DCC: variants seen among roughly 807,000 people sequenced by gnomAD.
The protein encoded by DCC is DCC netrin 1 receptor.
Under a neutral mutation model 172.5 loss-of-function variants are expected in DCC, and 58 were observed. The ratio of observed to expected loss-of-function variants is 0.34; its 90% CI spans 0.27 to 0.42. The LOEUF (loss-of-function observed/expected upper bound fraction) is 0.42, where lower values mean the gene tolerates loss of function less well. DCC is among the 10% of genes least tolerant of loss of function. The pLI is 1.00. For missense variants in DCC, 1,740 were observed against 1,791.0 expected (o/e 0.97, Z 0.51); for synonymous variants, 709 against 644.5 (o/e 1.10, Z -1.52).
intron 15 of DCC, among the ~76,000 whole-genome samples, chr18:53,368,546 T>C (rs2058029269): frequency 1.3e-5 from 2 of 152,106 alleles, no homozygotes; most frequent in African/African-American, 2.4e-5. Context: ...TTTTGCCTGA[T>C]GTTTTCTTCT....
rs1218973761 is a variant in DCC at position 52,387,677 on chromosome 18, T to C, written c.91+46799T>C. Reference sequence around the variant, plus strand: ...TGAAGTATGATCTATGAACAAAAACTGTCTATATTTAAGAAGAAGAATGTG... The same window carrying C: ...TGAAGTATGATCTATGAACAAAAACCGTCTATATTTAAGAAGAAGAATGTG... On this transcript the variant is annotated intron_variant, in intron 1 of 28. Transcript: ENST00000442544. Among the ~76,000 whole-genome samples, 3 of 149,880 alleles carry C rather than the reference T, an allele frequency of 2.0e-5. No homozygotes were observed. The East Asian group carries it at 5.9e-4, about 30-fold the overall frequency.
chr18:52,405,120 C>A (rs1398217273), intron 1 of DCC, among the ~76,000 whole-genome samples: 1 of 151,136 alleles, frequency 6.6e-6, no homozygotes, highest in African/African-American at 2.4e-5. Flanking sequence ...CCACAATAAA[C>A]ATATGTGTGC....
intron 2 of DCC, among the ~76,000 whole-genome samples, chr18:52,775,633 G>T (rs1029119407): frequency 6.6e-6 from 1 of 152,146 alleles, no homozygotes; most frequent in Non-Finnish European, 1.5e-5. Context: ...GCCGGTAGAT[G>T]GCCTGCAGGC....
intron 7 of DCC, among the ~76,000 whole-genome samples, chr18:53,109,474 T>G (rs1160443826): frequency 1.3e-5 from 2 of 151,608 alleles, no homozygotes; most frequent in African/African-American, 4.8e-5. Flanking sequence ...AATCTTGTAT[T>G]AGATTTATGT....
At chr18:52,650,450 G>C (rs1488823930) in intron 1 of DCC, among the ~76,000 whole-genome samples, 1 of 152,104 alleles carries the variant, frequency 6.6e-6, no homozygotes, top group Non-Finnish European at 1.5e-5. Context: ...TCCATATATG[G>C]AAAACAGTAT....
intron 1 of DCC, among the ~76,000 whole-genome samples, chr18:52,418,259 C>T (rs1013046988): frequency 6.6e-6 from 1 of 151,986 alleles, no homozygotes; most frequent in African/African-American, 2.4e-5. Context: ...CAAAAATACC[C>T]CTGGTGTATC....
intron 1 of DCC, among the ~76,000 whole-genome samples, chr18:52,436,015 C>T (rs970589744): frequency 1.3e-5 from 2 of 152,346 alleles, no homozygotes; most frequent in African/African-American, 4.8e-5. Flanking sequence ...CCATTCAGCC[C>T]GGAGTTCTCC....
intron 8 of DCC, among the ~76,000 whole-genome samples, chr18:53,166,968 T>C (rs2054931026): frequency 6.6e-6 from 1 of 152,198 alleles, no homozygotes. Context: ...AGTTTTGAAA[T>C]CTTTTAATTG....
chr18:53,440,547 G>C (rs992508025), intron 22 of DCC, among the ~76,000 whole-genome samples: 2 of 150,696 alleles, frequency 1.3e-5, no homozygotes, highest in African/African-American at 4.9e-5. Context: ...TGTAAATAAA[G>C]TATACATAAA....
intron 25 of DCC, among the ~76,000 whole-genome samples, chr18:53,471,240 T>C (rs1377583433): frequency 6.6e-6 from 1 of 152,218 alleles, no homozygotes; most frequent in Non-Finnish European, 1.5e-5. Flanking sequence ...GCATGCAATA[T>C]GTAATAATCA....
At chr18:52,414,767 A>G (rs962644522) in intron 1 of DCC, among the ~76,000 whole-genome samples, 3 of 152,338 alleles carry the variant, frequency 2.0e-5, no homozygotes, top group African/African-American at 7.2e-5. Context: ...AACTTTAATT[A>G]TAGGAGCACT....
chr18:52,620,955 G>A (rs190500653), intron 1 of DCC, among the ~76,000 whole-genome samples: 1 of 152,288 alleles, frequency 6.6e-6, no homozygotes, highest in East Asian at 1.9e-4. Context: ...TTCCCCAGAG[G>A]TATTGCTTCT....
At chr18:52,943,741 T>TC (rs775489901) in intron 5 of DCC, among the ~76,000 whole-genome samples, 4 of 80,110 alleles carry the variant, frequency 5.0e-5, no homozygotes, top group Non-Finnish European at 1.3e-4. Flanking sequence ...ATTTATGGTT[T>TC]TTTTTTTTGT....
At chr18:53,522,983 A>G (rs937298593) in intron 27 of DCC, among the ~76,000 whole-genome samples, 6 of 152,220 alleles carry the variant, frequency 3.9e-5, no homozygotes, top group Non-Finnish European at 8.8e-5. Context: ...CAGGCAACCT[A>G]CAGAATGGGA....
chr18:53,259,711 G>T (rs1277734059), intron 12 of DCC, among the ~76,000 whole-genome samples: 1 of 152,128 alleles, frequency 6.6e-6, no homozygotes, highest in Admixed American at 6.5e-5. Context: ...CTCTGGAGGA[G>T]TATCTTTGTG....
intron 1 of DCC, among the ~76,000 whole-genome samples, chr18:52,484,662 A>G (rs562937421): frequency 6.6e-6 from 1 of 152,182 alleles, no homozygotes; most frequent in Admixed American, 6.6e-5. Flanking sequence ...GCTAGGTACT[A>G]GTTCTTCTAT....
intron 5 of DCC, among the ~76,000 whole-genome samples, chr18:52,929,936 T>C (rs546435170): frequency 6.6e-6 from 1 of 152,052 alleles, no homozygotes; most frequent in African/African-American, 2.4e-5. Flanking sequence ...GGATAAATCA[T>C]GGCATCTTTC....
intron 2 of DCC, among the ~76,000 whole-genome samples, chr18:52,870,328 G>A (rs1466710354): frequency 2.6e-5 from 4 of 152,280 alleles, no homozygotes; most frequent in Admixed American, 6.5e-5. Flanking sequence ...ACCCATCAGT[G>A]CCATTTCTGC....
At chr18:53,447,173 A>G (rs556132983) in intron 22 of DCC, among the ~76,000 whole-genome samples, 3 of 152,342 alleles carry the variant, frequency 2.0e-5, no homozygotes, top group South Asian at 2.1e-4. Context: ...ATCATTCAGT[A>G]TTCACTAATT....
Sources: gnomAD v4.1 joint callset for allele counts (sites outside exome capture counted in the v4.1 genomes callset) on GRCh38, gnomAD v4.1.1 for gene constraint, MANE v1.5 for transcripts, NCBI Gene and HGNC (gene_info 2026-07-23, HGNC 2026-07-21) for gene names.